The following CFAP299 variants were observed in gnomAD, a reference collection of about 807,000 sequenced individuals.
CFAP299 encodes cilia and flagella associated protein 299.
CFAP299 carries 21 observed loss-of-function variants against 27.0 expected under a neutral mutation model. The observed-to-expected ratio is 0.78, with a 90% CI of 0.55 to 1.12. The LOEUF (loss-of-function observed/expected upper bound fraction) is 1.12. Among genes scored for constraint, CFAP299 ranks in the 50% most tolerant of loss-of-function variants. The pLI is 0.00. For synonymous variants in CFAP299, 104 were observed against 98.1 expected (o/e 1.06, Z -0.36); for missense variants, 310 against 276.6 (o/e 1.12, Z -0.86).
chr4:80,819,241 A>G (rs766330145), intron 3 of CFAP299, among the ~76,000 whole-genome samples: 20 of 152,046 alleles, frequency 1.3e-4, no homozygotes, highest in Non-Finnish European at 2.4e-4. Flanking sequence ...AGAAAGAGTG[A>G]TATCTGGGGG....
chr4:80,843,632 C>G (rs976867993), intron 3 of CFAP299, among the ~76,000 whole-genome samples: 1 of 152,054 alleles, frequency 6.6e-6, no homozygotes, highest in Non-Finnish European at 1.5e-5. Flanking sequence ...ATTTCTAGTT[C>G]TAGATCCCTG....
At chr4:80,390,588 T>TATATGTATATATGTATACACAC (rs1553919118) in intron 2 of CFAP299, among the ~76,000 whole-genome samples, 22 of 108,994 alleles carry the variant, frequency 2.0e-4, no homozygotes, top group East Asian at 1.5e-3. Flanking sequence ...CATATATGTA[T>TATATGTATATATGTATACACAC]ATATGTATAT....
intron 2 of CFAP299, among the ~76,000 whole-genome samples, chr4:80,504,330 A>G (rs998919703): frequency 3.3e-5 from 5 of 151,544 alleles, no homozygotes; most frequent in Admixed American, 2.6e-4. Flanking sequence ...AAAAGTACAC[A>G]AATAAGAGAG....
chr4:80,695,764 C>G (rs1027898358), intron 3 of CFAP299, among the ~76,000 whole-genome samples: 1 of 149,324 alleles, frequency 6.7e-6, no homozygotes, highest in Non-Finnish European at 1.5e-5. Flanking sequence ...ACTCAACCTT[C>G]TGGGCTCAAG....
At chr4:80,723,026 T>G (rs576115616) in intron 3 of CFAP299, among the ~76,000 whole-genome samples, 1 of 152,244 alleles carries the variant, frequency 6.6e-6, no homozygotes, top group African/African-American at 2.4e-5. Flanking sequence ...ATTAGAGAAG[T>G]GCAAATTAAA....
At chr4:80,885,640 G>A (rs1385039940) in intron 4 of CFAP299, among the ~76,000 whole-genome samples, 8 of 152,174 alleles carry the variant, frequency 5.3e-5, no homozygotes, top group Non-Finnish European at 1.2e-4. Context: ...TAGGTACCTT[G>A]AAGGGAAGGA....
intron 2 of CFAP299, among the ~76,000 whole-genome samples, chr4:80,367,679 C>A (rs1723912485): frequency 6.7e-6 from 1 of 149,728 alleles, no homozygotes; most frequent in Non-Finnish European, 1.5e-5. Context: ...ATATAAACAT[C>A]TCTGATTTCT....
In CFAP299 at chr4:80,815,329, CAT is replaced by C. The variant is rs142238446; in HGVS notation, c.334-54663_334-54662del. 8.4e-3 allele frequency among the ~76,000 whole-genome samples: 1,271 copies of C among 151,838 alleles called. 21 individuals carry two copies. The highest frequency in any genetic ancestry group is 0.03 in the African/African-American group (1,223 of 41,444). ...TATATATATATTCAGCTTATATATG[CAT>C]GTGTGTGTGTGTATGTGCAATGAAG... On this transcript the variant is annotated intron_variant, in intron 3 of 5. Transcript: ENST00000358105.
rs187733310 is a variant in CFAP299 at position 80,699,072 on chromosome 4, T to C, written c.333+115889T>C. On this transcript the variant is annotated intron_variant, in intron 3 of 5. Transcript: ENST00000358105. ...ATAATTTAAATTTCTGTAGTCCCTA[T>C]AAGCTTATTGGTACTGAAGAAGTTA... Among the ~76,000 whole-genome samples the C allele has an allele frequency of 6.3e-3, 955 of 152,318 alleles. 8 individuals carry two copies. Among genetic ancestry groups the C allele is most frequent in the Non-Finnish European group, 6.2e-3 (421 of 68,016 alleles).
intron 3 of CFAP299, among the ~76,000 whole-genome samples, chr4:80,800,883 A>G (rs1268010654): frequency 6.7e-6 from 1 of 149,456 alleles, no homozygotes; most frequent in Non-Finnish European, 1.5e-5. Context: ...AAGGAGAACC[A>G]GTCTGAGTCC....
At chr4:80,394,340 T>A (rs1297422911) in intron 2 of CFAP299, among the ~76,000 whole-genome samples, 10 of 152,100 alleles carry the variant, frequency 6.6e-5, no homozygotes, top group African/African-American at 2.4e-5. Flanking sequence ...ATATTAACTC[T>A]TTTTCAGATG....
At chr4:80,916,953 A>C (rs902481184) in intron 4 of CFAP299, among the ~76,000 whole-genome samples, 3 of 152,150 alleles carry the variant, frequency 2.0e-5, no homozygotes, top group African/African-American at 7.2e-5. Flanking sequence ...TCTAGGAGTT[A>C]CTCAATAGAG....
chr4:80,654,813 C>T (rs981097012), intron 3 of CFAP299, among the ~76,000 whole-genome samples: 8 of 136,542 alleles, frequency 5.9e-5, no homozygotes, highest in Non-Finnish European at 7.7e-5. Context: ...TTGGTAGAGA[C>T]GAGGTCTCTT....
At chr4:80,822,202 A>G (rs903015495) in intron 3 of CFAP299, among the ~76,000 whole-genome samples, 1 of 152,298 alleles carries the variant, frequency 6.6e-6, no homozygotes, top group African/African-American at 2.4e-5. Flanking sequence ...CATATTTGCC[A>G]ATGAAAATAC....
chr4:80,337,431 T>G (rs1447721341), intron 1 of CFAP299, among the ~76,000 whole-genome samples: 1 of 151,620 alleles, frequency 6.6e-6, no homozygotes, highest in Admixed American at 6.6e-5. Context: ...AGAGTTTCAC[T>G]CTGTGGCCCA....
chr4:80,754,400 T>C (rs901595838), intron 3 of CFAP299, among the ~76,000 whole-genome samples: 1 of 152,122 alleles, frequency 6.6e-6, no homozygotes, highest in African/African-American at 2.4e-5. Flanking sequence ...TTGCTGTGGG[T>C]AGGAGATAGA....
At chr4:80,672,794 G>A (rs113149832) in intron 3 of CFAP299, among the ~76,000 whole-genome samples, 2 of 152,082 alleles carry the variant, frequency 1.3e-5, no homozygotes, top group Non-Finnish European at 2.9e-5. Context: ...TTTGCATAGA[G>A]GTGTTTATAG....
At chr4:80,574,062 T>G (rs1421617518) in intron 2 of CFAP299, among the ~76,000 whole-genome samples, 1 of 152,170 alleles carries the variant, frequency 6.6e-6, no homozygotes, top group Non-Finnish European at 1.5e-5. Flanking sequence ...GTGAACATTT[T>G]AACAATATTG....
chr4:80,767,292 T>C (rs1725927799), intron 3 of CFAP299, among the ~76,000 whole-genome samples: 3 of 152,152 alleles, frequency 2.0e-5, no homozygotes, highest in Admixed American at 1.3e-4. Context: ...GTTATATGAA[T>C]ACAATCTCTC....
Sources: allele counts gnomAD v4.1 joint callset (sites outside exome capture counted in the v4.1 genomes callset), GRCh38; gene constraint gnomAD v4.1.1; transcripts MANE v1.5; gene names NCBI Gene and HGNC (gene_info 2026-07-23, HGNC 2026-07-21).